Variants in CD8A observed in about 807,000 individuals in gnomAD.
CD8A encodes the protein T-cell surface glycoprotein CD8 alpha chain.
CD8A carries 25 observed loss-of-function variants against 24.2 expected under a neutral mutation model. The ratio of observed to expected loss-of-function variants is 1.03; its 90% CI spans 0.75 to 1.44. The LOEUF (loss-of-function observed/expected upper bound fraction) is 1.44. CD8A is among the 40% of genes most tolerant of loss of function. The probability of loss-of-function intolerance (pLI) is 0.00; values close to 1 mark genes in which losing one functional copy is unlikely to be tolerated. For synonymous variants in CD8A, 165 were observed against 149.9 expected (o/e 1.10, Z -0.74); for missense variants, 360 against 319.7 (o/e 1.13, Z -0.96).
intron 2 of CD8A, 127 bp from the exon 3 acceptor site, chr2:86,789,877 G>C (rs1673199191): frequency 1.7e-6 from 1 of 596,162 alleles, no homozygotes; most frequent in Non-Finnish European, 2.7e-6. Context: ...GGATAGCAGA[G>C]GAGACAGGAT....
intron 3 of CD8A, among the ~76,000 whole-genome samples, chr2:86,801,324 T>TTC (rs1442619403): frequency 6.6e-6 from 1 of 150,584 alleles, no homozygotes; most frequent in East Asian, 2.0e-4. Flanking sequence ...CCCGCTCTCT[T>TTC]TCTCTCTCTC....
chr2:86,789,237 C>T (rs1438534805), intron 4 of CD8A, 86 bp downstream of exon 4: 4 of 888,426 alleles, frequency 4.5e-6, no homozygotes, highest in Admixed American at 3.4e-5. Context: ...CCCCAAGCTC[C>T]CCCCTCGCAA....
intron 3 of CD8A, among the ~76,000 whole-genome samples, chr2:86,796,913 T>C (rs972824679): frequency 6.6e-6 from 1 of 152,180 alleles, no homozygotes; most frequent in Admixed American, 6.5e-5. Context: ...TTCCCACACA[T>C]GATTACATGT....
intron 2 of CD8A, among the ~76,000 whole-genome samples, chr2:86,805,957 C>A (rs1343241225): frequency 1.3e-5 from 2 of 151,470 alleles, no homozygotes; most frequent in Non-Finnish European, 2.9e-5. Context: ...TTTTCTTTTT[C>A]TCTTGTTGTG....
chr2:86,789,571 G>T, intron 3 of CD8A, 69 bp downstream of exon 3: 1 of 1,335,712 alleles, frequency 7.5e-7, no homozygotes, highest in East Asian at 2.4e-5. Context: ...TACAGTATCA[G>T]GGCTGTCCCT....
chr2:86,794,908 T>G (rs1397605869), upstream of CD8A, among the ~76,000 whole-genome samples: 1 of 152,222 alleles, frequency 6.6e-6, no homozygotes, highest in Non-Finnish European at 1.5e-5. Context: ...TTAAACATGC[T>G]ATTCCCTCAG....
At position 86,785,759 on chromosome 2, in the gene CD8A, C is replaced by T. The variant is rs1239424680; in HGVS notation, c.*161G>A. On this transcript the variant is annotated 3_prime_UTR_variant, in exon 6 of 6. Transcript: ENST00000283635. ...TTACCTAGTTTTGTTTCCCGTCAAA[C>T]ACATAAAGAAAAAGTAATCTTTCCC... The T allele has an allele frequency of 5.1e-6, 4 of 778,456 alleles. No homozygotes were observed. Among genetic ancestry groups the T allele is most frequent in the African/African-American group, 1.7e-5 (1 of 59,136 alleles). The allele number at this position is 778,456 out of a possible 1,614,324, so 48.2% of individuals were successfully genotyped here.
In CD8A at chr2:86,784,808, A is replaced by C. The variant is rs1369666008; in HGVS notation, c.*1112T>G. ...ATGAGTGGTTCTTATTTCCTTATCT[A>C]CTTAAGTTTTTTCTCTCCAATGGGC... On this transcript the variant is annotated 3_prime_UTR_variant, in exon 6 of 6. Coordinates refer to ENST00000283635, the MANE Select transcript of CD8A (RefSeq NM_001768.7). 9 of 453,942 alleles carry C rather than the reference A, an allele frequency of 2.0e-5. No individual in the cohort carries two copies. The highest frequency in any genetic ancestry group is 4.0e-5 in the Non-Finnish European group (9 of 226,782). The allele number at this position is 453,942 out of a possible 1,614,324, so 28.1% of individuals were successfully genotyped here.
intron 2 of CD8A, among the ~76,000 whole-genome samples, chr2:86,802,467 T>C (rs978696665): frequency 1.3e-5 from 2 of 152,216 alleles, no homozygotes; most frequent in Non-Finnish European, 2.9e-5. Flanking sequence ...AAACTTATGG[T>C]TGCAGGAAAT....
chr2:86,808,016 T>C (rs35505884), intron 1 of CD8A: 28,346 of 152,154 alleles, frequency 0.19, 2,804 homozygotes, highest in Non-Finnish European at 0.22. Context: ...AGCCCTTCCA[T>C]CCTCAGCCGC....
chr2:86,793,867 G>C (rs1257233020), upstream of CD8A, among the ~76,000 whole-genome samples: 1 of 152,232 alleles, frequency 6.6e-6, no homozygotes, highest in African/African-American at 2.4e-5. Context: ...GTGTCAGCCA[G>C]TGGGGTGGCA....
Position 86,790,492 on chromosome 2 carries a change from G to A in CD8A, c.239C>T (p.Ala80Val), listed in dbSNP as rs373928104. Residue 80 changes from alanine (A) to valine (V), a missense_variant, in exon 2 of 6, where the codon GCG becomes GTG. Transcript: ENST00000283635. ...LLYLSQNKPKAAEGLDTQRFS... is the reference protein window; with the variant it reads ...LLYLSQNKPKVAEGLDTQRFS... ...CCGCTGGGTGTCCAGCCCCTCGGCC[G>A]CCTTGGGCTTGTTTTGGGAGAGGTA... 1.2e-6 allele frequency: 2 copies of A among 1,614,042 alleles called. No individual in the cohort carries two copies. The highest frequency in any genetic ancestry group is 2.7e-5 in the African/African-American group (2 of 74,948).
intron 3 of CD8A, among the ~76,000 whole-genome samples, chr2:86,800,270 C>T (rs1254350863): frequency 6.6e-6 from 1 of 151,610 alleles, no homozygotes; most frequent in Admixed American, 6.6e-5. Flanking sequence ...CTAGCCTGGC[C>T]AACATGGTGA....
rs550857679 is a variant in CD8A, at chr2:86,799,643, C to T, written c.-271+1868G>A. Among the ~76,000 whole-genome samples, 12 of 152,228 alleles carry T rather than the reference C, an allele frequency of 7.9e-5. No individual in the cohort carries two copies. The South Asian group carries it at 1.0e-3, about 13-fold the overall frequency. On this transcript the variant is annotated intron_variant, in intron 3 of 8. Transcript: ENST00000409511. The stretch of plus-strand genomic sequence containing the variant: ...CGGTGGCGGGCGCCTGTAGTCCCAG[C>T]GACTCGGGAGGCTGCGGCAGGAGAA...
intron 3 of CD8A, 51 bp downstream of exon 3, chr2:86,789,589 G>A: frequency 7.2e-7 from 1 of 1,383,528 alleles, no homozygotes; most frequent in Non-Finnish European, 9.9e-7. Flanking sequence ...CCTGGCATGG[G>A]CTCTCCCCGC....
intron 2 of CD8A, among the ~76,000 whole-genome samples, chr2:86,802,658 C>T (rs1007766486): frequency 1.2e-4 from 18 of 152,012 alleles, no homozygotes; most frequent in African/African-American, 4.1e-4. Context: ...CAGGCTGGAC[C>T]GCAGTGGCAC....
chr2:86,790,863 G>A lies in CD8A; in HGVS notation c.-38C>T. On this transcript the variant is annotated 5_prime_UTR_variant, in exon 1 of 6. Coordinates refer to ENST00000283635, the MANE Select transcript of CD8A (RefSeq NM_001768.7). ...AGGACGCTGCTTGGCTCGAAGCTCG[G>A]GCGCGAGGGGAGGCGCGCGGGAGCC... 6.5e-7 allele frequency: 1 copy of A among 1,534,618 alleles called. No individual in the cohort carries two copies. Among genetic ancestry groups the A allele is most frequent in the Non-Finnish European group, 8.7e-7 (1 of 1,144,644 alleles).
upstream of CD8A, among the ~76,000 whole-genome samples, chr2:86,793,005 C>T (rs1223789714): frequency 6.6e-6 from 1 of 152,196 alleles, no homozygotes; most frequent in African/African-American, 2.4e-5. Flanking sequence ...TCCTCACTGT[C>T]ACCTGCTCCC....
chr2:86,790,157 C>G (rs1558735387), intron 2 of CD8A, among the ~76,000 whole-genome samples, 171 bp downstream of exon 2: 1 of 152,242 alleles, frequency 6.6e-6, no homozygotes, highest in Non-Finnish European at 1.5e-5. Context: ...CATCCCCAGT[C>G]CCTACTCAGC....
Sources: gnomAD v4.1 joint callset for allele counts (sites outside exome capture counted in the v4.1 genomes callset) on GRCh38, gnomAD v4.1.1 for gene constraint, MANE v1.5 for transcripts, NCBI Gene and HGNC (gene_info 2026-07-23, HGNC 2026-07-21) for gene names.